Variants in SEC63 observed in about 807,000 individuals in gnomAD.
The protein encoded by SEC63 is SEC63 protein translocation regulator.
SEC63 carries 56 observed loss-of-function variants against 116.2 expected under a neutral mutation model. The ratio of observed to expected loss-of-function variants is 0.48; its 90% confidence interval spans 0.39 to 0.60. SEC63 has a LOEUF of 0.60. SEC63 is among the 20% of genes least tolerant of loss of function. The probability of loss-of-function intolerance (pLI) is 0.00; values close to 1 mark genes in which losing one functional copy is unlikely to be tolerated. For synonymous variants in SEC63, 273 were observed against 294.6 expected (o/e 0.93, Z 0.75); for missense variants, 668 against 900.0 (o/e 0.74, Z 3.30).
Position 107,921,797 on chromosome 6 carries a change from G to A in SEC63, c.452C>T (p.Ala151Val), listed in dbSNP as rs1360860173. The change falls in exon 4 of 21, where the codon GCT (alanine) becomes GTT (valine). Residue 151 changes from alanine to valine, a missense_variant and splice_region_variant. Around this residue, in one of 5 missense-constraint regions of SEC63, gnomAD observed 10 missense variants for 39.6 expected, o/e 0.25. Transcript: ENST00000369002. ...MFMRIAKAYAALTDEESRKNW... is the reference protein window; with the variant it reads ...MFMRIAKAYAVLTDEESRKNW... Reference sequence around the variant, plus strand: ...ATTTGTAATGGATCCTGATACTTACGCAGCATAAGCTTTTGCTATCCTCAT... The same window carrying A: ...ATTTGTAATGGATCCTGATACTTACACAGCATAAGCTTTTGCTATCCTCAT... 12 of 1,569,824 alleles carry A rather than the reference G, an allele frequency of 7.6e-6. No individual in the cohort carries two copies. Among genetic ancestry groups the A allele is most frequent in the African/African-American group, 1.4e-5 (1 of 73,818 alleles).
intron 14 of SEC63, among the ~76,000 whole-genome samples, chr6:107,896,043 G>A (rs1202903818): frequency 6.6e-6 from 1 of 151,918 alleles, no homozygotes; most frequent in Non-Finnish European, 1.5e-5. Flanking sequence ...GTGCACACCT[G>A]TGGTCCCAGC....
Position 107,918,255 on chromosome 6 carries a change from AAAAT to A in SEC63, c.452+3538_452+3541del, listed in dbSNP as rs1473641921. ...CTGTTGAGACCTGCTCAAAAAAAAA[AAAAT>A]GATTCCTTTCAAAAGATTACTGCTC... On this transcript the variant is annotated intron_variant, in intron 4 of 20. Coordinates refer to ENST00000369002, the MANE Select transcript of SEC63 (RefSeq NM_007214.5). 4.6e-5 allele frequency among the ~76,000 whole-genome samples: 7 copies of A among 152,212 alleles called. No homozygotes were observed. In the East Asian group the frequency reaches 1.3e-3, roughly 29 times the overall value.
chr6:107,921,689 C>T (rs889347640), intron 4 of SEC63, 108 bp downstream of exon 4: 2 of 770,712 alleles, frequency 2.6e-6, no homozygotes, highest in African/African-American at 1.7e-5. Flanking sequence ...TGGGCTCAAG[C>T]GATCCTCCTG....
At chr6:107,934,227 G>C (rs1787878885) in intron 1 of SEC63, among the ~76,000 whole-genome samples, 1 of 151,324 alleles carries the variant, frequency 6.6e-6, no homozygotes, top group South Asian at 2.1e-4. Flanking sequence ...GCCCAGTCTG[G>C]AAAGTGAGGA....
At chr6:107,885,955 C>A (rs1288268256) in intron 16 of SEC63, among the ~76,000 whole-genome samples, 2 of 152,050 alleles carry the variant, frequency 1.3e-5, no homozygotes, top group Non-Finnish European at 2.9e-5. Context: ...GTTTGCTGCA[C>A]CCATCAACCC....
chr6:107,904,572 A>C, intron 11 of SEC63, 57 bp downstream of exon 11: 2 of 1,337,854 alleles, frequency 1.5e-6, no homozygotes, highest in South Asian at 1.2e-5. Context: ...TATGAAGTAC[A>C]ATCTGCATAT....
At chr6:107,950,465 C>A (rs1195666871) in intron 1 of SEC63, among the ~76,000 whole-genome samples, 1 of 152,132 alleles carries the variant, frequency 6.6e-6, no homozygotes, top group Non-Finnish European at 1.5e-5. Flanking sequence ...AGCAGCAGCA[C>A]ATACATTGTT....
chr6:107,919,858 T>C (rs754140252), intron 4 of SEC63, among the ~76,000 whole-genome samples: 7 of 151,888 alleles, frequency 4.6e-5, no homozygotes, highest in Non-Finnish European at 8.8e-5. Context: ...AGAAGTTCTG[T>C]CCATAAAATA....
intron 6 of SEC63, among the ~76,000 whole-genome samples, chr6:107,912,269 T>C (rs1470360199): frequency 1.3e-5 from 2 of 152,186 alleles, no homozygotes; most frequent in Non-Finnish European, 2.9e-5. Context: ...ATGGAATATA[T>C]ACAATTCAAT....
intron 5 of SEC63, among the ~76,000 whole-genome samples, chr6:107,913,100 A>G (rs1230020342): frequency 1.3e-5 from 2 of 152,198 alleles, no homozygotes; most frequent in Admixed American, 6.5e-5. Flanking sequence ...GTAAAGAAAA[A>G]TAAGATTTTT....
chr6:107,953,034 T>C (rs2355202), intron 1 of SEC63, among the ~76,000 whole-genome samples: 108,534 of 152,000 alleles, frequency 0.71, 42,260 homozygotes, highest in South Asian at 0.9. Context: ...CCGAGGCAGG[T>C]GGATCAATTG....
At chr6:107,902,422 T>A (rs1787026863) in intron 12 of SEC63, among the ~76,000 whole-genome samples, 1 of 152,176 alleles carries the variant, frequency 6.6e-6, no homozygotes, top group Non-Finnish European at 1.5e-5. Flanking sequence ...AGATTCATTA[T>A]CATGTTTATA....
chr6:107,928,668 T>C (rs1348021029), intron 2 of SEC63, among the ~76,000 whole-genome samples: 1 of 152,204 alleles, frequency 6.6e-6, no homozygotes, highest in Non-Finnish European at 1.5e-5. Context: ...ATCTACTGGA[T>C]AAATGTAGGT....
chr6:107,876,885 C>A, intron 18 of SEC63: 1 of 503,658 alleles, frequency 2.0e-6, no homozygotes, highest in Non-Finnish European at 3.6e-6. Context: ...TTGGGGATTT[C>A]AATAGCTCCT....
chr6:107,913,328 C>T (rs769159958), intron 5 of SEC63, 38 bp downstream of exon 5: 2 of 1,211,634 alleles, frequency 1.7e-6, no homozygotes, highest in African/African-American at 1.5e-5. Context: ...ATAATATATA[C>T]CATATCGCCA....
In SEC63 at chr6:107,871,809, G is replaced by C; in HGVS notation, c.2178C>G (p.His726Gln). ...VHEAKPVPEN[H>Q]PQWDTAIEGD... is the part of the protein sequence containing the mutation. ...CCTCTATTGCTGTATCCCACTGTGG[G>C]TGATTTTCTGGCACAGGCTTAGCCT... The change falls in exon 21 of 21, where the codon CAC becomes CAG. Residue 726 changes from histidine (H) to glutamine (Q), a missense_variant. This residue lies in a region of SEC63 where 85 missense variants were observed against 116.3 expected (regional missense o/e 0.73). Coordinates refer to ENST00000369002, the MANE Select transcript of SEC63 (RefSeq NM_007214.5). The C allele has an allele frequency of 1.2e-6, 2 of 1,613,710 alleles. No homozygotes were observed. Among genetic ancestry groups the C allele is most frequent in the Non-Finnish European group, 1.7e-6 (2 of 1,179,708 alleles).
intron 1 of SEC63, among the ~76,000 whole-genome samples, chr6:107,941,222 T>C (rs1386057394): frequency 6.6e-6 from 1 of 152,086 alleles, no homozygotes; most frequent in Non-Finnish European, 1.5e-5. Flanking sequence ...TAATAAGATT[T>C]TGGGTGTTAA....
intron 1 of SEC63, among the ~76,000 whole-genome samples, chr6:107,941,615 TTTAG>T (rs1261897587): frequency 6.6e-6 from 1 of 152,218 alleles, no homozygotes; most frequent in Non-Finnish European, 1.5e-5. Context: ...TAGTATCCTT[TTTAG>T]TTCTATTTAG....
At position 107,880,986 on chromosome 6, in the gene SEC63, A is replaced by G. The variant is rs1786401817; in HGVS notation, c.1935+163T>C. On this transcript the variant is annotated intron_variant, in intron 18 of 20. Coordinates refer to ENST00000369002, the MANE Select transcript of SEC63 (RefSeq NM_007214.5). ...TATAAGCAACACGTTCACTAAGTATAATACCTATTGTAATATTCCCTTTTA... is the reference window on the plus strand; with the variant it reads ...TATAAGCAACACGTTCACTAAGTATGATACCTATTGTAATATTCCCTTTTA... 8.1e-6 allele frequency: 5 copies of G among 620,628 alleles called. No individual in the cohort carries two copies. In the Admixed American group the frequency reaches 1.3e-4, roughly 16 times the overall value. 38.4% of individuals were successfully genotyped at this position (620,628 alleles called of 1,614,324 possible). A position where few individuals can be genotyped will look rare whatever the true frequency, so the allele number is the denominator to read the frequency against.
Sources: gnomAD v4.1 joint callset for allele counts (sites outside exome capture counted in the v4.1 genomes callset) on GRCh38, gnomAD v4.1.1 for gene constraint, gnomAD v4.1.1 regional missense constraint, MANE v1.5 for transcripts, NCBI Gene and HGNC (gene_info 2026-07-23, HGNC 2026-07-21) for gene names.